GALNT17: variants seen among roughly 807,000 people sequenced by gnomAD.
GALNT17 encodes the protein UDP-GalNAc:polypeptide N-acetylgalactosaminyltransferase-like 3.
Under a neutral mutation model 63.7 loss-of-function variants are expected in GALNT17, and 29 were observed. The observed-to-expected ratio is 0.46, with a 90% CI of 0.34 to 0.62. The LOEUF is 0.62. GALNT17 is among the 20% of genes least tolerant of loss of function. The pLI is 0.01. For missense variants in GALNT17, 603 were observed against 799.6 expected, an observed-to-expected ratio of 0.75 and a Z score of 2.97; for synonymous variants, 305 against 318.3, an observed-to-expected ratio of 0.96 and a Z score of 0.45.
chr7:71,143,096 C>A (rs767995771), intron 1 of GALNT17, among the ~76,000 whole-genome samples: 4 of 151,890 alleles, frequency 2.6e-5, no homozygotes, highest in Non-Finnish European at 5.9e-5. Context: ...GTGAGATCAC[C>A]TTGTGGAAGG....
intron 1 of GALNT17, among the ~76,000 whole-genome samples, chr7:71,320,237 A>G (rs938734290): frequency 7.9e-5 from 12 of 151,990 alleles, no homozygotes; most frequent in African/African-American, 2.9e-4. Context: ...GCCACCTCAG[A>G]TAATTTTTTT....
chr7:71,559,651 C>T (rs114656997), intron 5 of GALNT17, among the ~76,000 whole-genome samples: 109 of 152,146 alleles, frequency 7.2e-4, no homozygotes, highest in African/African-American at 2.6e-3. Flanking sequence ...CGCTTGAGGC[C>T]AGGAGTCGGA....
intron 2 of GALNT17, among the ~76,000 whole-genome samples, chr7:71,349,935 C>T (rs1281547347): frequency 2.6e-5 from 4 of 152,122 alleles, no homozygotes; most frequent in Non-Finnish European, 5.9e-5. Flanking sequence ...CACATGGTTG[C>T]GCTTAGGCAA....
chr7:71,671,550 G>C (rs1365369086), intron 8 of GALNT17, among the ~76,000 whole-genome samples: 1 of 152,208 alleles, frequency 6.6e-6, no homozygotes, highest in Admixed American at 6.5e-5. Context: ...TCTCTAGGGC[G>C]GTTAGGGATA....
chr7:71,368,391 C>T (rs74341289), intron 2 of GALNT17, among the ~76,000 whole-genome samples: 14,611 of 152,200 alleles, frequency 0.096, 922 homozygotes, highest in Middle Eastern at 0.23. Context: ...TCTGTTTTTA[C>T]ACATGCTATT....
intron 1 of GALNT17, among the ~76,000 whole-genome samples, chr7:71,222,929 T>C (rs1230771721): frequency 1.3e-5 from 2 of 152,056 alleles, no homozygotes; most frequent in Non-Finnish European, 2.9e-5. Flanking sequence ...CAAAATTAGC[T>C]GGTCACCGTG....
At chr7:71,471,751 C>T (rs1296305570) in intron 5 of GALNT17, among the ~76,000 whole-genome samples, 1 of 152,174 alleles carries the variant, frequency 6.6e-6, no homozygotes, top group Non-Finnish European at 1.5e-5. Context: ...GGATTATAAA[C>T]AACCAAGACC....
intron 5 of GALNT17, among the ~76,000 whole-genome samples, chr7:71,507,467 C>T (rs1788286865): frequency 6.6e-6 from 1 of 152,078 alleles, no homozygotes; most frequent in Admixed American, 6.6e-5. Flanking sequence ...TGGAGAAAAC[C>T]TTGTCACAGG....
intron 1 of GALNT17, among the ~76,000 whole-genome samples, chr7:71,329,174 CA>C (rs1351245577): frequency 1.3e-5 from 2 of 152,130 alleles, no homozygotes; most frequent in African/African-American, 4.8e-5. Context: ...CCAGTTAAGT[CA>C]AAGGTCAGGA....
Position 71,470,304 on chromosome 7 carries a change from G to A in GALNT17, c.962+49199G>A, listed in dbSNP as rs137911735. On this transcript the variant is annotated intron_variant, in intron 5 of 10. Coordinates refer to ENST00000333538, the MANE Select transcript of GALNT17 (RefSeq NM_022479.3). Reference sequence around the variant, plus strand: ...TTATAAAAGGTAAGAGACACAATGTGTCTTAAATACATATTTAAGTTTTGG... The same window carrying A: ...TTATAAAAGGTAAGAGACACAATGTATCTTAAATACATATTTAAGTTTTGG... Among the ~76,000 whole-genome samples, 472 of 152,278 alleles carry A rather than the reference G, an allele frequency of 3.1e-3. 5 individuals carry two copies. The highest frequency in any genetic ancestry group is 0.011 in the African/African-American group (463 of 41,568).
In GALNT17 at chr7:71,132,663, A is replaced by T; in HGVS notation, c.-140A>T. ...TCCCAGCCGTCTCCGCCGCCCGAGC[A>T]TCCTTGAGGTGGGACGAGCAGGGGC... On this transcript the variant is annotated 5_prime_UTR_variant, in exon 1 of 11. Transcript: ENST00000333538. 1 of 675,480 alleles carries T rather than the reference A, an allele frequency of 1.5e-6. No individual in the cohort carries two copies. Among genetic ancestry groups the T allele is most frequent in the Non-Finnish European group, 2.4e-6 (1 of 413,694 alleles). 41.8% of individuals were successfully genotyped at this position (675,480 alleles called of 1,614,324 possible).
In GALNT17 at chr7:71,697,673, T is replaced by C. The variant is rs138437115; in HGVS notation, c.1501-13088T>C. Among the ~76,000 whole-genome samples the C allele has an allele frequency of 1.4e-3, 215 of 152,346 alleles. 1 individual carries two copies. The highest frequency in any genetic ancestry group is 4.1e-3 in the African/African-American group (170 of 41,574). ...ATGATAGATTTCACAGATAGTGGCT[T>C]GGCCATAATTTGGTGAATGAGCATC... On this transcript the variant is annotated intron_variant, in intron 9 of 10. Transcript: ENST00000333538.
intron 1 of GALNT17, among the ~76,000 whole-genome samples, chr7:71,231,036 A>T (rs985592656): frequency 1.3e-5 from 2 of 152,152 alleles, no homozygotes; most frequent in African/African-American, 4.8e-5. Context: ...GGATTTCTGA[A>T]ATATGACTAT....
intron 5 of GALNT17, among the ~76,000 whole-genome samples, chr7:71,500,046 T>C (rs1240034966): frequency 6.6e-6 from 1 of 152,232 alleles, no homozygotes; most frequent in East Asian, 1.9e-4. Context: ...TCTCCAGCCA[T>C]GCGGAGCTGT....
intron 2 of GALNT17, among the ~76,000 whole-genome samples, chr7:71,367,982 A>T (rs1396262491): frequency 6.6e-6 from 1 of 152,184 alleles, no homozygotes; most frequent in Non-Finnish European, 1.5e-5. Context: ...GGGCTCTCTG[A>T]GCCAGTTCTG....
intron 6 of GALNT17, among the ~76,000 whole-genome samples, chr7:71,597,380 T>G (rs2116928435): frequency 6.6e-6 from 1 of 152,110 alleles, no homozygotes; most frequent in East Asian, 2.0e-4. Context: ...CAGTGGTGCA[T>G]GCCTGTAGTT....
chr7:71,552,420 T>C (rs1233676002), intron 5 of GALNT17, among the ~76,000 whole-genome samples: 18 of 149,712 alleles, frequency 1.2e-4, no homozygotes, highest in Admixed American at 1.2e-3. Flanking sequence ...CCTTATACAG[T>C]AGGTACCGTG....
chr7:71,347,450 A>C (rs967780646), intron 2 of GALNT17, among the ~76,000 whole-genome samples: 7 of 152,172 alleles, frequency 4.6e-5, no homozygotes, highest in Non-Finnish European at 1.5e-5. Flanking sequence ...TCACACAATA[A>C]TATACCTATA....
At chr7:71,280,799 C>T (rs1295219563) in intron 1 of GALNT17, among the ~76,000 whole-genome samples, 1 of 152,152 alleles carries the variant, frequency 6.6e-6, no homozygotes, top group Admixed American at 6.5e-5. Flanking sequence ...GTTTGAGGCA[C>T]ATGCCTGTCT....
Sources: gnomAD v4.1 joint callset for allele counts (sites outside exome capture counted in the v4.1 genomes callset) on GRCh38, gnomAD v4.1.1 for gene constraint, MANE v1.5 for transcripts, NCBI Gene and HGNC (gene_info 2026-07-23, HGNC 2026-07-21) for gene names.